The following COMMD10 variants were observed in gnomAD, a reference collection of about 807,000 sequenced individuals.
COMMD10 encodes COMM domain containing 10.
A neutral mutation model predicts 28.9 loss-of-function variants in COMMD10; 33 were observed. The ratio of observed to expected loss-of-function variants is 1.14; its 90% CI spans 0.87 to 1.53. COMMD10 has a LOEUF of 1.53. Ranked by LOEUF, COMMD10 falls within the 40% of genes most tolerant of loss-of-function variation. The probability of loss-of-function intolerance (pLI) is 0.00; values close to 1 mark genes in which losing one functional copy is unlikely to be tolerated. For synonymous variants in COMMD10, 110 were observed against 81.7 expected (o/e 1.35, Z -1.87); for missense variants, 310 against 233.4 (o/e 1.33, Z -2.14).
At chr5:116,110,106 A>G (rs774295839) in intron 4 of COMMD10, among the ~76,000 whole-genome samples, 28 of 152,224 alleles carry the variant, frequency 1.8e-4, no homozygotes, top group Middle Eastern at 3.4e-3. Flanking sequence ...ATCAAATGCT[A>G]TTTCTCAGTC....
chr5:116,259,262 C>T (rs1210645615), intron 5 of COMMD10, among the ~76,000 whole-genome samples: 1 of 151,174 alleles, frequency 6.6e-6, no homozygotes, highest in African/African-American at 2.4e-5. Flanking sequence ...AGGATCTCAC[C>T]ATGTTGGCCA....
chr5:116,235,246 A>G (rs564930217), intron 5 of COMMD10, among the ~76,000 whole-genome samples: 1 of 152,328 alleles, frequency 6.6e-6, no homozygotes, highest in South Asian at 2.1e-4. Context: ...GATAATGAAT[A>G]CTTAATTCTT....
At chr5:116,204,189 T>A (rs999881839) in intron 5 of COMMD10, among the ~76,000 whole-genome samples, 48 of 152,230 alleles carry the variant, frequency 3.2e-4, no homozygotes, top group African/African-American at 9.6e-4. Context: ...AGAAGAGCTA[T>A]CTATCCTAAA....
chr5:116,146,315 A>G (rs1222463191), intron 5 of COMMD10, among the ~76,000 whole-genome samples: 1 of 151,874 alleles, frequency 6.6e-6, no homozygotes, highest in Non-Finnish European at 1.5e-5. Flanking sequence ...GAGATAGTAG[A>G]GTATTAATTT....
In COMMD10 at chr5:116,287,461, G is replaced by A. The variant is rs548982227; in HGVS notation, c.511-4056G>A. 4.6e-5 allele frequency among the ~76,000 whole-genome samples: 7 copies of A among 151,784 alleles called. No individual in the cohort carries two copies. The East Asian group carries it at 1.4e-3, about 29-fold the overall frequency. On this transcript the variant is annotated intron_variant, in intron 5 of 6. Transcript: ENST00000274458. ...CCATCCTTTCACTTTCAGCCTATGT[G>A]TATTGTTAGATCTAAAGTATGTCTC...
chr5:116,136,581 C>T (rs1010418462), intron 5 of COMMD10, among the ~76,000 whole-genome samples: 2 of 152,088 alleles, frequency 1.3e-5, no homozygotes, highest in African/African-American at 4.8e-5. Flanking sequence ...GCCTATGTGT[C>T]TGTTATATTT....
chr5:116,228,891 T>C (rs191778854), intron 5 of COMMD10, among the ~76,000 whole-genome samples: 3 of 152,144 alleles, frequency 2.0e-5, no homozygotes, highest in Admixed American at 1.3e-4. Flanking sequence ...TTGAGACATA[T>C]TCTTGTAGTT....
intron 5 of COMMD10, among the ~76,000 whole-genome samples, chr5:116,199,385 T>C (rs978953799): frequency 6.6e-6 from 1 of 152,166 alleles, no homozygotes. Flanking sequence ...TTTGCAGATA[T>C]TCTCTCCCAG....
chr5:116,181,181 C>A (rs754043385), intron 5 of COMMD10, among the ~76,000 whole-genome samples: 1 of 151,946 alleles, frequency 6.6e-6, no homozygotes, highest in Non-Finnish European at 1.5e-5. Flanking sequence ...ATTATTATTG[C>A]TGTACTTTCA....
At chr5:116,095,468 A>G (rs1471141256) in intron 4 of COMMD10, among the ~76,000 whole-genome samples, 1 of 152,208 alleles carries the variant, frequency 6.6e-6, no homozygotes, top group East Asian at 1.9e-4. Flanking sequence ...TAACTTAACG[A>G]TAGATTAATT....
intron 5 of COMMD10, among the ~76,000 whole-genome samples, chr5:116,147,439 T>G (rs142057160): frequency 7.2e-4 from 109 of 152,056 alleles, no homozygotes; most frequent in African/African-American, 2.1e-3. Flanking sequence ...TCGTAAATGT[T>G]TGATTCCTAA....
intron 5 of COMMD10, among the ~76,000 whole-genome samples, chr5:116,249,568 A>G (rs1003748965): frequency 6.6e-6 from 1 of 151,692 alleles, no homozygotes; most frequent in African/African-American, 2.4e-5. Flanking sequence ...AGACAAGTCA[A>G]GGTAAATTCC....
chr5:116,252,716 T>A (rs964645870), intron 5 of COMMD10, among the ~76,000 whole-genome samples: 29 of 131,882 alleles, frequency 2.2e-4, no homozygotes, highest in Non-Finnish European at 4.7e-4. Flanking sequence ...TGTAGTATAG[T>A]TTGAAGTCAG....
chr5:116,155,281 A>C (rs1752669643), intron 5 of COMMD10, among the ~76,000 whole-genome samples: 1 of 152,140 alleles, frequency 6.6e-6, no homozygotes, highest in Non-Finnish European at 1.5e-5. Flanking sequence ...ATTCACATAA[A>C]TATGAAGTTT....
chr5:116,223,350 T>C (rs1749314075), intron 5 of COMMD10, among the ~76,000 whole-genome samples: 2 of 130,412 alleles, frequency 1.5e-5, no homozygotes, highest in Admixed American at 1.4e-4. Context: ...TACAATGTAA[T>C]ATGTGGAACA....
intron 5 of COMMD10, among the ~76,000 whole-genome samples, chr5:116,262,900 G>A (rs1214026562): frequency 2.6e-5 from 4 of 151,742 alleles, no homozygotes; most frequent in South Asian, 4.1e-4. Flanking sequence ...TTAAAAAACA[G>A]TATAAAATTT....
intron 5 of COMMD10, among the ~76,000 whole-genome samples, chr5:116,273,648 T>C (rs531312005): frequency 6.6e-6 from 1 of 151,886 alleles, no homozygotes; most frequent in African/African-American, 2.4e-5. Flanking sequence ...TTGTGAAGCT[T>C]CGTTATGCTA....
intron 4 of COMMD10, among the ~76,000 whole-genome samples, chr5:116,109,004 G>T (rs4921060): frequency 0.1 from 15,888 of 152,106 alleles, 1,167 homozygotes; most frequent in African/African-American, 0.2. Context: ...CCCTGCTTCT[G>T]CTCACCATCC....
chr5:116,108,457 C>A (rs565525743), intron 4 of COMMD10, among the ~76,000 whole-genome samples: 37 of 151,960 alleles, frequency 2.4e-4, no homozygotes, highest in African/African-American at 8.7e-4. Flanking sequence ...GGGCTCTGCC[C>A]AGTTCGAACT....
Sources: gnomAD v4.1 joint callset for allele counts (sites outside exome capture counted in the v4.1 genomes callset) on GRCh38, gnomAD v4.1.1 for gene constraint, MANE v1.5 for transcripts, NCBI Gene and HGNC (gene_info 2026-07-23, HGNC 2026-07-21) for gene names.